Variants in TCHP observed in about 807,000 individuals in gnomAD.
The protein encoded by TCHP is trichoplein keratin filament-binding protein.
A neutral mutation model predicts 88.7 loss-of-function variants in TCHP; 81 were observed. The observed-to-expected ratio is 0.91, with a 90% CI of 0.76 to 1.10. The LOEUF is 1.10. Among genes scored for constraint, TCHP ranks in the 50% least tolerant of loss-of-function variants. The pLI, the probability that TCHP is intolerant of heterozygous loss-of-function variation, is 0.00. For synonymous variants in TCHP, 232 were observed against 232.5 expected (o/e 1.00, Z 0.02); for missense variants, 641 against 632.1 (o/e 1.01, Z -0.15).
chr12:109,881,459 T>C, the TCHP span, among the ~76,000 whole-genome samples: 3 of 152,254 alleles, frequency 2.0e-5, no homozygotes, highest in Non-Finnish European at 4.4e-5. Flanking sequence ...TTCATTTACA[T>C]AGAATATTCA....
chr12:109,886,433 C>T, the TCHP span, among the ~76,000 whole-genome samples: 8 of 152,190 alleles, frequency 5.3e-5, no homozygotes, highest in South Asian at 2.1e-4. Context: ...CCACCATGCC[C>T]GGCCTATTAT....
chr12:109,910,031 CG>C lies in TCHP; in HGVS notation c.880-1026del, dbSNP rs1327202646. 2.6e-5 allele frequency among the ~76,000 whole-genome samples: 4 copies of C among 151,902 alleles called. 1 individual carries two copies. The highest frequency in any genetic ancestry group is 9.7e-5 in the African/African-American group (4 of 41,344). On this transcript the variant is annotated intron_variant, in intron 8 of 12. Coordinates refer to ENST00000405876, the MANE Select transcript of TCHP (RefSeq NM_001143852.2). ...GTGCACACCTGTAATCCCAGATACT[CG>C]GGGGGCTGAGACAGGAGAATTGCTT...
chr12:109,906,836 G>A (rs1021081484), intron 5 of TCHP, among the ~76,000 whole-genome samples, 196 bp downstream of exon 5: 1 of 152,160 alleles, frequency 6.6e-6, no homozygotes, highest in African/African-American at 2.4e-5. Context: ...ATAATTCCCA[G>A]GGCAGAATAA....
At chr12:109,896,980 G>A (rs1869578052), upstream of TCHP, among the ~76,000 whole-genome samples, 1 of 152,036 alleles carries the variant, frequency 6.6e-6, no homozygotes, top group Non-Finnish European at 1.5e-5. Flanking sequence ...CCACATACAA[G>A]GCATGGCATG....
chr12:109,908,936 T>C lies in TCHP; in HGVS notation c.878T>C (p.Leu293Pro). The change falls in exon 8 of 13, where the codon CTG (leucine) becomes CCG (proline). Residue 293 changes from leucine to proline, a missense_variant and splice_region_variant. By Grantham distance (98) the Leu-to-Pro change is moderately conservative (BLOSUM62 -3). Transcript: ENST00000405876. The part of the protein sequence containing the change: ...SRRTQQIQEE[L>P]EADRRILQAL... ...CGCACACAGCAGATCCAAGAGGAGCTGGTAAGTCTGAAGAGACAGCCTGAC... is the reference window on the plus strand; with the variant it reads ...CGCACACAGCAGATCCAAGAGGAGCCGGTAAGTCTGAAGAGACAGCCTGAC... The C allele has an allele frequency of 1.2e-6, 2 of 1,614,182 alleles. No homozygotes were observed. The highest frequency in any genetic ancestry group is 1.7e-6 in the Non-Finnish European group (2 of 1,180,024).
chr12:109,900,713 T>C (rs1293897956), intron 1 of TCHP: 1 of 152,224 alleles, frequency 6.6e-6, no homozygotes, highest in African/African-American at 2.4e-5. Flanking sequence ...ACTGGCGGCT[T>C]TACGGGAGCG....
chr12:109,888,545 C>A, the TCHP span: 1 of 152,220 alleles, frequency 6.6e-6, no homozygotes, highest in Non-Finnish European at 1.5e-5. Context: ...CCAACTGAAT[C>A]ATCAAATCCT....
chr12:109,911,087 G>A lies in TCHP; in HGVS notation c.904G>A (p.Ala302Thr). Residue 302 changes from alanine (A) to threonine (T), a missense_variant, in exon 9 of 13, where the codon GCC (alanine) becomes ACC (threonine). Transcript: ENST00000405876. ...GGAGGCAGACAGGCGGATCCTGCAG[G>A]CCCTCCTCGAGAAGGAGGACGAGAG... ...ELEADRRILQ[A>T]LLEKEDESQR... 6.3e-7 allele frequency: 1 copy of A among 1,593,456 alleles called. No homozygotes were observed.
intron 10 of TCHP, among the ~76,000 whole-genome samples, chr12:109,913,664 G>T (rs1039782539): frequency 6.6e-6 from 1 of 152,306 alleles, no homozygotes; most frequent in African/African-American, 2.4e-5. Context: ...TACCCCAACC[G>T]CAGAGAAATC....
Position 109,907,558 on chromosome 12 carries a change from G to A in TCHP, c.558G>A (p.Arg186=). 6.2e-7 allele frequency: 1 copy of A among 1,614,234 alleles called. No individual in the cohort carries two copies. The highest frequency in any genetic ancestry group is 1.3e-5 in the African/African-American group (1 of 75,054). Residue 186 remains arginine (R), a synonymous_variant, in exon 6 of 13, where the codon CGG becomes CGA. Transcript: ENST00000405876. ...CCACCGCAGAGCAAGAGAACAAACG[G>A]TATGAAAATGAATATGAAAGGGCCC... ...QEATAEQENK[R]YENEYERARR... is the part of the protein sequence containing the mutation.
At chr12:109,909,652 T>C (rs1870370842) in intron 8 of TCHP, among the ~76,000 whole-genome samples, 1 of 152,088 alleles carries the variant, frequency 6.6e-6, no homozygotes. Context: ...AAACCCCATC[T>C]CTACTAAAAA....
rs1248533211 is a variant in TCHP, at chr12:109,903,978, G to T, written c.230G>T (p.Arg77Met). ...CGGGAGAAGATGAAGGAGGAGAAGA[G>T]GAGGAGTCTGGAGGCCCGACGGGAA... ...YQREKMKEEK[R>M]RSLEARREKL... Residue 77 changes from arginine to methionine, a missense_variant, in exon 3 of 13, where the codon AGG (arginine) becomes ATG (methionine). By Grantham distance (91) the Arg-to-Met change is moderately conservative. Coordinates refer to ENST00000405876, the MANE Select transcript of TCHP (RefSeq NM_001143852.2). The surrounding 1 kb of genome is among the most constrained non-coding windows in gnomAD (Gnocchi z 4.6). 1.2e-6 allele frequency: 2 copies of T among 1,610,870 alleles called. No homozygotes were observed. The highest frequency in any genetic ancestry group is 2.7e-5 in the African/African-American group (2 of 74,786).
intron 9 of TCHP, 92 bp from the exon 10 acceptor site, chr12:109,912,899 A>AAGCCATGTGCCCTGCAGC (rs1424072260): frequency 4.1e-6 from 4 of 971,670 alleles, no homozygotes; most frequent in Non-Finnish European, 5.0e-6. Flanking sequence ...GGTCCTGCAG[A>AAGCCATGTGCCCTGCAGC]AGCCATGTGC....
chr12:109,893,380 CAAAA>C, the TCHP span, among the ~76,000 whole-genome samples: 5 of 119,926 alleles, frequency 4.2e-5, no homozygotes, highest in South Asian at 1.4e-3. Context: ...AACTCCTTCT[CAAAA>C]AAAAAAAAAA....
intron 8 of TCHP, among the ~76,000 whole-genome samples, chr12:109,910,440 T>G (rs1418064220): frequency 6.6e-6 from 1 of 151,952 alleles, no homozygotes; most frequent in Non-Finnish European, 1.5e-5. Flanking sequence ...CCTCAGCCTC[T>G]CGAGTAGCTG....
At chr12:109,898,303 C>T (rs761477993), upstream of TCHP, among the ~76,000 whole-genome samples, 8 of 152,076 alleles carry the variant, frequency 5.3e-5, no homozygotes, top group Non-Finnish European at 1.5e-5. Flanking sequence ...CCCGTCTCCT[C>T]GGTTGAGGCG....
upstream of TCHP, among the ~76,000 whole-genome samples, chr12:109,898,446 G>A (rs1180361232): frequency 1.3e-5 from 2 of 152,212 alleles, no homozygotes; most frequent in South Asian, 4.1e-4. Context: ...CTGACCTCAA[G>A]AGATCCGCCA....
chr12:109,883,595 C>T, the TCHP span, among the ~76,000 whole-genome samples: 24 of 152,228 alleles, frequency 1.6e-4, no homozygotes, highest in African/African-American at 4.8e-4. Context: ...CTCACTGCCC[C>T]GCCCCGCACC....
At chr12:109,904,378 A>G (rs1288615876) in intron 3 of TCHP, among the ~76,000 whole-genome samples, 2 of 152,142 alleles carry the variant, frequency 1.3e-5, no homozygotes, top group Admixed American at 6.5e-5. Context: ...CCTTTCTTCC[A>G]GTTCTGTGGG....
Sources: gnomAD v4.1 joint callset for allele counts (sites outside exome capture counted in the v4.1 genomes callset) on GRCh38, gnomAD v4.1.1 for gene constraint, Gnocchi (gnomAD v3.1) non-coding constraint, MANE v1.5 for transcripts, NCBI Gene and HGNC (gene_info 2026-07-23, HGNC 2026-07-21) for gene names.